The following SLCO1B1 variants were observed in gnomAD, a reference collection of about 807,000 sequenced individuals.
SLCO1B1 encodes OATP-2.
A neutral mutation model predicts 70.1 loss-of-function variants in SLCO1B1; 81 were observed. That is an observed-to-expected ratio of 1.16 (90% CI 0.97 to 1.39). SLCO1B1 has a LOEUF of 1.39. SLCO1B1 is among the 40% of genes most tolerant of loss of function. The probability of loss-of-function intolerance (pLI) is 0.00; values close to 1 mark genes in which losing one functional copy is unlikely to be tolerated. For missense variants in SLCO1B1, 895 were observed against 799.6 expected (o/e 1.12, Z -1.44); for synonymous variants, 283 against 271.5 (o/e 1.04, Z -0.42).
intron 7 of SLCO1B1, among the ~76,000 whole-genome samples, chr12:21,185,622 G>T (rs910188997): frequency 5.9e-5 from 9 of 151,718 alleles, no homozygotes; most frequent in African/African-American, 2.2e-4. Context: ...AATGCTAAAG[G>T]CCTTCATCAA....
At chr12:21,150,651 A>G (rs1940459289) in intron 2 of SLCO1B1, among the ~76,000 whole-genome samples, 1 of 152,162 alleles carries the variant, frequency 6.6e-6, no homozygotes, top group Non-Finnish European at 1.5e-5. Flanking sequence ...TAGCATCAAC[A>G]TCAACAAAAA....
chr12:21,199,196 A>G (rs917709392), intron 8 of SLCO1B1, among the ~76,000 whole-genome samples: 7 of 152,130 alleles, frequency 4.6e-5, no homozygotes, highest in African/African-American at 1.4e-4. Context: ...ACCATATCTA[A>G]TGAAAATCTT....
intron 8 of SLCO1B1, among the ~76,000 whole-genome samples, chr12:21,199,115 CT>C (rs1417649764): frequency 2.0e-5 from 3 of 151,846 alleles, no homozygotes; most frequent in Non-Finnish European, 4.4e-5. Flanking sequence ...TTTTCTCTAA[CT>C]CCTTCTACTC....
chr12:21,150,296 G>A (rs1940453591), intron 2 of SLCO1B1, among the ~76,000 whole-genome samples: 1 of 152,132 alleles, frequency 6.6e-6, no homozygotes, highest in African/African-American at 2.4e-5. Flanking sequence ...CCTGCCTGCT[G>A]GCTCTGAAGA....
chr12:21,159,635 C>A (rs1229229718), intron 2 of SLCO1B1, among the ~76,000 whole-genome samples: 1 of 151,794 alleles, frequency 6.6e-6, no homozygotes, highest in Non-Finnish European at 1.5e-5. Flanking sequence ...GTGAGTTTAC[C>A]AAGATAATGT....
At chr12:21,200,355 G>A (rs1941141925) in intron 8 of SLCO1B1, among the ~76,000 whole-genome samples, 153 bp from the exon 9 acceptor site, 1 of 152,098 alleles carries the variant, frequency 6.6e-6, no homozygotes, top group East Asian at 1.9e-4. Flanking sequence ...TTTAAAAGCT[G>A]TGAACAGCCT....
chr12:21,200,695 G>A lies in SLCO1B1; in HGVS notation c.1135+23G>A, dbSNP rs78755070. The stretch of plus-strand genomic sequence containing the variant: ...TGGGTAAGACATATTTTTTACTTGT[G>A]TGCTTAATAAGTGAAATAATACTAA... On this transcript the variant is annotated intron_variant, in intron 9 of 14. Coordinates refer to ENST00000256958, the MANE Select transcript of SLCO1B1 (RefSeq NM_006446.5). 1.4e-3 allele frequency: 2,221 copies of A among 1,599,684 alleles called. 45 individuals carry two copies. In the Admixed American group the frequency reaches 0.034, roughly 25 times the overall value.
intron 1 of SLCO1B1, among the ~76,000 whole-genome samples, chr12:21,136,390 T>G (rs1470716017): frequency 2.0e-5 from 3 of 152,198 alleles, no homozygotes; most frequent in Admixed American, 2.0e-4. Flanking sequence ...CTTGCTAGAT[T>G]GGGGAAGTTC....
Position 21,172,717 on chromosome 12 carries a change from C to T in SLCO1B1, c.152C>T (p.Ser51Phe), listed in dbSNP as rs769900186. ...CTAGGTGCAATTATTATGAAAAGTT[C>T]CATCATTCATATAGAACGGAGATTT... is the stretch of plus-strand genomic sequence containing the variant. ...KTLGAIIMKS[S>F]IIHIERRFEI... Residue 51 changes from serine to phenylalanine, a missense_variant, in exon 3 of 15, where the codon TCC (serine) becomes TTC (phenylalanine). Coordinates refer to ENST00000256958, the MANE Select transcript of SLCO1B1 (RefSeq NM_006446.5). The T allele has an allele frequency of 8.5e-5, 137 of 1,613,190 alleles. 1 individual carries two copies. The Middle Eastern group carries it at 4.3e-3, about 51-fold the overall frequency.
At chr12:21,176,300 C>G (rs1412948122) in intron 4 of SLCO1B1, among the ~76,000 whole-genome samples, 1 of 152,036 alleles carries the variant, frequency 6.6e-6, no homozygotes. Flanking sequence ...TTATTCCTAT[C>G]AAGTTTTCTC....
At chr12:21,172,621 T>C (rs1940769159) in intron 2 of SLCO1B1, 29 bp from the exon 3 acceptor site, 1 of 1,613,006 alleles carries the variant, frequency 6.2e-7, no homozygotes. Flanking sequence ...GATTAACCAT[T>C]TTCCCCCTTT....
chr12:21,233,792 G>A (rs1203910119), intron 14 of SLCO1B1, among the ~76,000 whole-genome samples: 1 of 152,180 alleles, frequency 6.6e-6, no homozygotes, highest in African/African-American at 2.4e-5. Flanking sequence ...CCTGCCAGTA[G>A]AGACAGTGCC....
At chr12:21,163,461 G>A (rs1940646675) in intron 2 of SLCO1B1, among the ~76,000 whole-genome samples, 2 of 152,052 alleles carry the variant, frequency 1.3e-5, no homozygotes, top group South Asian at 4.2e-4. Flanking sequence ...TTGTTCAGAT[G>A]TTTTACAAAG....
chr12:21,197,107 CA>C lies in SLCO1B1; in HGVS notation c.890del (p.His297LeufsTer15). On this transcript the variant is annotated frameshift_variant, in exon 8 of 15. Coordinates refer to ENST00000256958, the MANE Select transcript of SLCO1B1 (RefSeq NM_006446.5). LOFTEE classifies it high-confidence loss of function. ...AGAAAGAAAAGCTTCACTGTCTTTGCATGTGCTGGAAACAAATGATGAAAAG... is the reference window on the plus strand; with the variant it reads ...AGAAAGAAAAGCTTCACTGTCTTTGCTGTGCTGGAAACAAATGATGAAAAG... ...QKERKASLSLHVLETNDEKDQ... is the reference protein window; with the variant it reads ...QKERKASLSLXVLETNDEKDQ... The C allele has an allele frequency of 6.2e-7, 1 of 1,613,552 alleles. No individual in the cohort carries two copies. Among genetic ancestry groups the C allele is most frequent in the East Asian group, 2.2e-5 (1 of 44,828 alleles).
chr12:21,185,556 C>T (rs1940954624), intron 7 of SLCO1B1, among the ~76,000 whole-genome samples: 1 of 151,866 alleles, frequency 6.6e-6, no homozygotes. Context: ...AAAATAGAGA[C>T]ACACCTCACT....
chr12:21,133,099 C>T (rs1420163086), intron 1 of SLCO1B1, among the ~76,000 whole-genome samples: 2 of 152,114 alleles, frequency 1.3e-5, no homozygotes, highest in South Asian at 4.1e-4. Context: ...AATCCTTTCC[C>T]CATTGCTTGT....
intron 10 of SLCO1B1, among the ~76,000 whole-genome samples, chr12:21,205,186 G>T (rs1941201172): frequency 6.6e-6 from 1 of 151,652 alleles, no homozygotes; most frequent in Non-Finnish European, 1.5e-5. Context: ...TGTTTAAGCA[G>T]AAATGAATTA....
intron 14 of SLCO1B1, among the ~76,000 whole-genome samples, chr12:21,236,965 T>A (rs191138126): frequency 2.6e-5 from 4 of 152,188 alleles, no homozygotes; most frequent in Non-Finnish European, 5.9e-5. Context: ...TTTCTTCTTT[T>A]TAATCCTTTA....
chr12:21,169,679 AT>A (rs1284363607), intron 2 of SLCO1B1, among the ~76,000 whole-genome samples: 1 of 151,790 alleles, frequency 6.6e-6, no homozygotes, highest in African/African-American at 2.4e-5. Flanking sequence ...TACTTGACTA[AT>A]TTCAAGTTCT....
Sources: gnomAD v4.1 joint callset for allele counts (sites outside exome capture counted in the v4.1 genomes callset) on GRCh38, gnomAD v4.1.1 for gene constraint, MANE v1.5 for transcripts, NCBI Gene and HGNC (gene_info 2026-07-23, HGNC 2026-07-21) for gene names.